ECPAS: variants seen among roughly 807,000 people sequenced by gnomAD.
The protein encoded by ECPAS is proteasome adapter and scaffold protein ECM29.
A neutral mutation model predicts 255.1 loss-of-function variants in ECPAS; 70 were observed. The observed-to-expected ratio is 0.27, with a 90% confidence interval of 0.23 to 0.33. ECPAS has a LOEUF of 0.33. ECPAS is among the 10% of genes least tolerant of loss of function. The pLI, the probability that ECPAS is intolerant of heterozygous loss-of-function variation, is 1.00. For synonymous variants in ECPAS, 784 were observed against 775.0 expected (o/e 1.01, Z -0.19); for missense variants, 1,817 against 2,206.4 (o/e 0.82, Z 3.54).
intron 7 of ECPAS, among the ~76,000 whole-genome samples, chr9:111,436,273 G>A (rs1589196073): frequency 6.6e-6 from 1 of 152,306 alleles, no homozygotes; most frequent in East Asian, 1.9e-4. Context: ...CATGTTGCTT[G>A]AATTCCAAAA....
intron 24 of ECPAS, among the ~76,000 whole-genome samples, chr9:111,403,255 G>A (rs1376635461): frequency 2.6e-5 from 4 of 151,548 alleles, no homozygotes; most frequent in African/African-American, 9.7e-5. Flanking sequence ...AGCTACTTAG[G>A]AGGCTGAGGC....
chr9:111,481,531 C>T (rs1210576858), intron 1 of ECPAS, among the ~76,000 whole-genome samples: 3 of 151,902 alleles, frequency 2.0e-5, no homozygotes, highest in Non-Finnish European at 2.9e-5. Flanking sequence ...AAAAAGAAAA[C>T]AGTACAGTGG....
intron 1 of ECPAS, among the ~76,000 whole-genome samples, chr9:111,481,365 G>C (rs2098304878): frequency 6.6e-6 from 1 of 152,144 alleles, no homozygotes; most frequent in African/African-American, 2.4e-5. Flanking sequence ...AATTAGCCGG[G>C]CGTGGTGGCG....
intron 6 of ECPAS, among the ~76,000 whole-genome samples, chr9:111,439,349 G>T (rs2098242623): frequency 6.6e-6 from 1 of 151,944 alleles, no homozygotes; most frequent in African/African-American, 2.4e-5. Flanking sequence ...GCTCACTACA[G>T]CCTCAACCTC....
intron 5 of ECPAS, 89 bp downstream of exon 5, chr9:111,442,217 C>A: frequency 2.4e-6 from 2 of 842,142 alleles, no homozygotes; most frequent in African/African-American, 1.7e-5. Flanking sequence ...CTCCCATTTG[C>A]TCAAGTAAAA....
chr9:111,380,702 C>G (rs1422933198), intron 35 of ECPAS, among the ~76,000 whole-genome samples: 2 of 152,196 alleles, frequency 1.3e-5, no homozygotes, highest in Non-Finnish European at 2.9e-5. Flanking sequence ...TGAGTGTAGA[C>G]ACCTTTATCA....
At chr9:111,470,746 C>CCACACACACACACACACACACACACA (rs57091815) in intron 2 of ECPAS, among the ~76,000 whole-genome samples, 1 of 124,494 alleles carries the variant, frequency 8.0e-6, no homozygotes, top group East Asian at 2.3e-4. Flanking sequence ...TCTCCTCCCG[C>CCACACACACACACACACACACACACA]CACACACACA....
chr9:111,382,455 A>G (rs917691777), intron 35 of ECPAS, among the ~76,000 whole-genome samples: 13 of 151,506 alleles, frequency 8.6e-5, no homozygotes, highest in African/African-American at 3.2e-4. Context: ...TTTAGTAGAG[A>G]TGGGGTTTCT....
At chr9:111,408,285 C>T (rs1351827207) in intron 24 of ECPAS, among the ~76,000 whole-genome samples, 1 of 152,174 alleles carries the variant, frequency 6.6e-6, no homozygotes, top group Non-Finnish European at 1.5e-5. Flanking sequence ...TAGTGGCTCA[C>T]TCCACACATC....
chr9:111,391,905 T>C (rs984583876), intron 28 of ECPAS, 81 bp from the exon 29 acceptor site: 2 of 951,920 alleles, frequency 2.1e-6, no homozygotes, highest in African/African-American at 1.6e-5. Context: ...ATTTACAAAG[T>C]GATAAAACTT....
intron 47 of ECPAS, 89 bp from the exon 48 acceptor site, chr9:111,366,416 C>G: frequency 7.9e-7 from 1 of 1,271,736 alleles, no homozygotes; most frequent in Non-Finnish European, 1.1e-6. Flanking sequence ...GTATGTATCA[C>G]TGTCACTTTA....
At position 111,376,557 on chromosome 9, in the gene ECPAS, T is replaced by TA. The variant is rs1433408857; in HGVS notation, c.3955-17dup. On this transcript the variant is annotated splice_polypyrimidine_tract_variant and intron_variant, in intron 36 of 49. Coordinates refer to ENST00000684092, the MANE Select transcript of ECPAS (RefSeq NM_001364929.1). Reference sequence around the variant, plus strand: ...CCATCGCAGCCTAAAGAAGAGAAATTAAAGTCACCCGGCACATTCAATTAA... The same window carrying TA: ...CCATCGCAGCCTAAAGAAGAGAAATTAAAAGTCACCCGGCACATTCAATTAA... The TA allele has an allele frequency of 1.9e-6, 3 of 1,580,816 alleles. No individual in the cohort carries two copies. Among genetic ancestry groups the TA allele is most frequent in the Admixed American group, 3.6e-5 (2 of 55,834 alleles).
intron 32 of ECPAS, among the ~76,000 whole-genome samples, 200 bp from the exon 33 acceptor site, chr9:111,385,642 C>T (rs2098147108): frequency 6.6e-6 from 1 of 152,092 alleles, no homozygotes; most frequent in African/African-American, 2.4e-5. Flanking sequence ...TGCTTGTTTC[C>T]CACAACTATA....
intron 31 of ECPAS, 86 bp downstream of exon 31, chr9:111,389,469 AG>A: frequency 8.5e-7 from 1 of 1,178,400 alleles, no homozygotes; most frequent in Non-Finnish European, 1.2e-6. Context: ...AAAAGTAGAA[AG>A]GAAGATGGAC....
At chr9:111,469,962 A>G (rs182166495) in intron 2 of ECPAS, among the ~76,000 whole-genome samples, 4 of 152,332 alleles carry the variant, frequency 2.6e-5, no homozygotes, top group Admixed American at 2.0e-4. Context: ...GTCTAGCAGA[A>G]AACATAAATA....
At chr9:111,429,919 C>T (rs962216895) in intron 9 of ECPAS, among the ~76,000 whole-genome samples, 2 of 152,148 alleles carry the variant, frequency 1.3e-5, no homozygotes, top group Non-Finnish European at 2.9e-5. Flanking sequence ...CTTTTAAACA[C>T]AGTGAACTAA....
rs532503024 is a variant in ECPAS at position 111,361,675 on chromosome 9, ATAAC to A, written c.*351_*354del. 1,256 of 160,540 alleles carry A rather than the reference ATAAC, an allele frequency of 7.8e-3. 8 individuals carry two copies. The highest frequency in any genetic ancestry group is 0.013 in the Non-Finnish European group (967 of 73,630). 9.9% of individuals were successfully genotyped at this position (160,540 alleles called of 1,614,324 possible). ...GTTATTTATAGGGCCCCTTCCTGAA[ATAAC>A]TAATTTGAATGCAGTTCTAAGATTT... On this transcript the variant is annotated 3_prime_UTR_variant, in exon 50 of 50. Coordinates refer to ENST00000684092, the MANE Select transcript of ECPAS (RefSeq NM_001364929.1).
At chr9:111,426,535 G>T (rs1458896829) in intron 10 of ECPAS, among the ~76,000 whole-genome samples, 15 of 151,992 alleles carry the variant, frequency 9.9e-5, no homozygotes, top group African/African-American at 3.6e-4. Context: ...ACTCAATCTT[G>T]TTGAAGAGTT....
intron 2 of ECPAS, among the ~76,000 whole-genome samples, chr9:111,459,967 A>C (rs1223645825): frequency 6.6e-6 from 1 of 152,218 alleles, no homozygotes; most frequent in Non-Finnish European, 1.5e-5. Flanking sequence ...CCTTGATACC[A>C]AACAAGGGTA....
Sources: gnomAD v4.1 joint callset for allele counts (sites outside exome capture counted in the v4.1 genomes callset) on GRCh38, gnomAD v4.1.1 for gene constraint, MANE v1.5 for transcripts, NCBI Gene and HGNC (gene_info 2026-07-23, HGNC 2026-07-21) for gene names.